The following PIK3CD variants were observed in gnomAD, a reference collection of about 807,000 sequenced individuals.
PIK3CD encodes phosphatidylinositol-4,5-bisphosphate 3-kinase catalytic subunit delta.
In PIK3CD, 20 loss-of-function variants were observed where a neutral mutation model predicts 122.9. That is an observed-to-expected ratio of 0.16 (90% confidence interval 0.11 to 0.24). PIK3CD has a LOEUF of 0.24. PIK3CD is among the 10% of genes least tolerant of loss of function. PIK3CD has a pLI of 1.00. For synonymous variants in PIK3CD, 596 were observed against 593.4 expected, an observed-to-expected ratio of 1.00 and a Z score of -0.06; for missense variants, 787 against 1,406.3, an observed-to-expected ratio of 0.56 and a Z score of 7.04.
At chr1:9,634,307 G>A in the PIK3CD span, among the ~76,000 whole-genome samples, 14 of 152,046 alleles carry the variant, frequency 9.2e-5, no homozygotes, top group South Asian at 2.1e-4. Context: ...GATTACAGGC[G>A]TGCATCAGCA....
At chr1:9,675,927 G>A (rs984169832) in intron 1 of PIK3CD, among the ~76,000 whole-genome samples, 2 of 141,992 alleles carry the variant, frequency 1.4e-5, no homozygotes, top group African/African-American at 5.5e-5. Context: ...GCCACACCAA[G>A]CTAATTTTTT....
At chr1:9,708,673 C>T (rs1646937127) in intron 2 of PIK3CD, among the ~76,000 whole-genome samples, 1 of 151,718 alleles carries the variant, frequency 6.6e-6, no homozygotes, top group Non-Finnish European at 1.5e-5. Context: ...CATGGTGAAA[C>T]CCCCATCTCT....
At position 9,656,680 on chromosome 1, in the gene PIK3CD, C is replaced by T. The variant is rs531144098; in HGVS notation, c.-138+4878C>T. 3.3e-5 allele frequency among the ~76,000 whole-genome samples: 5 copies of T among 152,202 alleles called. No individual in the cohort carries two copies. The South Asian group carries it at 8.3e-4, about 25-fold the overall frequency. On this transcript the variant is annotated intron_variant, in intron 1 of 23. Coordinates refer to ENST00000377346, the MANE Select transcript of PIK3CD (RefSeq NM_005026.5). ...GCAATGGGCCGGGTGTGATAGCTCACGCCTGTAATCCCAGCACTTTGGGAG... is the reference window on the plus strand; with the variant it reads ...GCAATGGGCCGGGTGTGATAGCTCATGCCTGTAATCCCAGCACTTTGGGAG...
At chr1:9,683,924 G>A (rs773328201) in intron 1 of PIK3CD, among the ~76,000 whole-genome samples, 3 of 152,130 alleles carry the variant, frequency 2.0e-5, no homozygotes, top group Non-Finnish European at 1.5e-5. Context: ...TTGGGCTCAG[G>A]TGGGACTGTC....
At chr1:9,636,707 C>G in the PIK3CD span, among the ~76,000 whole-genome samples, 3 of 152,130 alleles carry the variant, frequency 2.0e-5, no homozygotes, top group African/African-American at 7.2e-5. Context: ...CATGGGCCAA[C>G]TTAATGTTAT....
chr1:9,719,030 T>C lies in PIK3CD; in HGVS notation c.1242+115T>C. The C allele has an allele frequency of 1.0e-6, 1 of 998,222 alleles. No individual in the cohort carries two copies. The highest frequency in any genetic ancestry group is 1.5e-6 in the Non-Finnish European group (1 of 658,992). The allele number at this position is 998,222 out of a possible 1,614,324, so 61.8% of individuals were successfully genotyped here. On this transcript the variant is annotated intron_variant, in intron 9 of 23. Coordinates refer to ENST00000377346, the MANE Select transcript of PIK3CD (RefSeq NM_005026.5). This position sits in a 1 kb window ranked among gnomAD's most constrained non-coding sequence, Gnocchi z 5.5. ...GCACGCAGCCTGGGGATGGGGGTCCTGGGATTGCTTGTGGACCCCAGCCTC... is the reference window on the plus strand; with the variant it reads ...GCACGCAGCCTGGGGATGGGGGTCCCGGGATTGCTTGTGGACCCCAGCCTC...
rs866028543 is a variant in PIK3CD at position 9,718,812 on chromosome 1, A to G, written c.1139A>G (p.Asn380Ser). ...AAGCAGCGGCTGGAGTTCGACATCA[A>G]CATCTGCGACCTGCCCCGCATGGCC... Reference protein sequence around the residue: ...VWKQRLEFDINICDLPRMARL... With the variant: ...VWKQRLEFDISICDLPRMARL... Residue 380 changes from asparagine to serine, a missense_variant, in exon 9 of 24, where the codon AAC (asparagine) becomes AGC (serine). By Grantham distance (46) the Asn-to-Ser change is conservative. This residue lies in a region of PIK3CD where 592 missense variants were observed against 920.6 expected (regional missense o/e 0.64). Coordinates refer to ENST00000377346, the MANE Select transcript of PIK3CD (RefSeq NM_005026.5). This position sits in a 1 kb window ranked among gnomAD's most constrained non-coding sequence, Gnocchi z 7.2. The G allele has an allele frequency of 7.4e-6, 12 of 1,612,292 alleles. No individual in the cohort carries two copies. In the African/African-American group the frequency reaches 1.2e-4, roughly 16 times the overall value.
rs762296096 is a variant in PIK3CD, at chr1:9,715,725, TGAA to T, written c.331_333del (p.Lys111del). On this transcript the variant is annotated inframe_deletion, in exon 4 of 24. Transcript: ENST00000377346. This position sits in a 1 kb window ranked among gnomAD's most constrained non-coding sequence, Gnocchi z 4.1. Reference sequence around the variant, plus strand: ...CTGGTGGCCCGTGAGGGCGACCGCGTGAAGAAGCTCATCAACTCACAGATCAGC... The same window carrying T: ...CTGGTGGCCCGTGAGGGCGACCGCGTGAAGCTCATCAACTCACAGATCAGC... 1.9e-6 allele frequency: 3 copies of T among 1,613,320 alleles called. No individual in the cohort carries two copies. The highest frequency in any genetic ancestry group is 2.5e-6 in the Non-Finnish European group (3 of 1,180,004).
intron 1 of PIK3CD, among the ~76,000 whole-genome samples, chr1:9,690,934 G>T (rs1371424323): frequency 6.6e-6 from 1 of 152,072 alleles, no homozygotes; most frequent in East Asian, 1.9e-4. Context: ...TTCCTGGAGC[G>T]GCTGAGGTGG....
chr1:9,672,463 C>G (rs1032105785), intron 1 of PIK3CD: 23 of 152,188 alleles, frequency 1.5e-4, no homozygotes, highest in African/African-American at 5.6e-4. Flanking sequence ...GGGTCTAGCT[C>G]TGTCTCCTAG....
At chr1:9,683,021 G>A (rs1009743669) in intron 1 of PIK3CD, among the ~76,000 whole-genome samples, 1 of 151,352 alleles carries the variant, frequency 6.6e-6, no homozygotes, top group Non-Finnish European at 1.5e-5. Context: ...TTCCCCACTG[G>A]GATTGGGCCC....
rs757126426 is a variant in PIK3CD, at chr1:9,724,424, G to C, written c.2864+3G>C. 1.9e-6 allele frequency: 3 copies of C among 1,614,018 alleles called. No individual in the cohort carries two copies. Among genetic ancestry groups the C allele is most frequent in the Non-Finnish European group, 2.5e-6 (3 of 1,180,032 alleles). Reference sequence around the variant, plus strand: ...AATAATAGTGAGAAATTTGAACGGTGAGAGTGCCTGAGCCCCACCAGATGC... The same window carrying C: ...AATAATAGTGAGAAATTTGAACGGTCAGAGTGCCTGAGCCCCACCAGATGC... On this transcript the variant is annotated splice_donor_region_variant and intron_variant, in intron 22 of 23. Coordinates refer to ENST00000377346, the MANE Select transcript of PIK3CD (RefSeq NM_005026.5). This position sits in a 1 kb window ranked among gnomAD's most constrained non-coding sequence, Gnocchi z 7.3.
intron 1 of PIK3CD, among the ~76,000 whole-genome samples, chr1:9,686,546 G>T (rs1028798761): frequency 6.3e-4 from 95 of 151,896 alleles, no homozygotes; most frequent in African/African-American, 2.3e-3. Context: ...AGAGACGGGG[G>T]TCTCACTGTG....
rs1045151009 is a variant in PIK3CD at position 9,720,254 on chromosome 1, C to T, written c.1470+12C>T. On this transcript the variant is annotated intron_variant, in intron 11 of 23. Coordinates refer to ENST00000377346, the MANE Select transcript of PIK3CD (RefSeq NM_005026.5). The surrounding 1 kb of genome is among the most constrained non-coding windows in gnomAD (Gnocchi z 9.0). ...CCGCCCTGGAGAAGGTCAGTGGGGG[C>T]CCCGCCGCGTGAGGCTGAGGGGCTG... is the stretch of plus-strand genomic sequence containing the variant. 1.3e-6 allele frequency: 2 copies of T among 1,599,246 alleles called. No homozygotes were observed. Among genetic ancestry groups the T allele is most frequent in the East Asian group, 2.2e-5 (1 of 44,478 alleles).
Position 9,723,065 on chromosome 1 carries a change from G to A in PIK3CD, c.2427-60G>A. ...GGCACCATGAGTTTCTGGGGCTCAAGTGGCCTCAGGGACAGCCCTTGACCA... is the reference window on the plus strand; with the variant it reads ...GGCACCATGAGTTTCTGGGGCTCAAATGGCCTCAGGGACAGCCCTTGACCA... On this transcript the variant is annotated intron_variant, in intron 19 of 23. Coordinates refer to ENST00000377346, the MANE Select transcript of PIK3CD (RefSeq NM_005026.5). The surrounding 1 kb of genome is among the most constrained non-coding windows in gnomAD (Gnocchi z 4.9). 6.5e-7 allele frequency: 1 copy of A among 1,549,312 alleles called. No individual in the cohort carries two copies. The highest frequency in any genetic ancestry group is 8.9e-7 in the Non-Finnish European group (1 of 1,122,908).
At position 9,691,498 on chromosome 1, in the gene PIK3CD, C is replaced by T; in HGVS notation, c.-106C>T. 1 of 398,578 alleles carries T rather than the reference C, an allele frequency of 2.5e-6. No individual in the cohort carries two copies. Among genetic ancestry groups the T allele is most frequent in the Non-Finnish European group, 4.4e-6 (1 of 226,084 alleles). The allele number at this position is 398,578 out of a possible 1,614,324, so 24.7% of individuals were successfully genotyped here. On this transcript the variant is annotated 5_prime_UTR_variant, in exon 2 of 24. Transcript: ENST00000377346. ...AGTCAGGCCAGGGCGGGATGACACT[C>T]ATTGATTCTAAAGCATCTTTAATCT...
Position 9,695,670 on chromosome 1 carries a change from T to C in PIK3CD, c.-33+4099T>C, listed in dbSNP as rs529935403. ...CAGCCTGGCCAACATGGTGAAACCC[T>C]GTCTCTACTAAAAATACAAAAATTA... On this transcript the variant is annotated intron_variant, in intron 2 of 23. Transcript: ENST00000377346. 2.6e-4 allele frequency among the ~76,000 whole-genome samples: 39 copies of C among 152,006 alleles called. 1 individual carries two copies. The East Asian group carries it at 5.9e-3, about 23-fold the overall frequency.
In PIK3CD at chr1:9,721,717, C is replaced by T. The variant is rs772902002; in HGVS notation, c.1956-44C>T. On this transcript the variant is annotated intron_variant, in intron 15 of 23. Transcript: ENST00000377346. ...AGGTCCTGCTGGGCGGGAGGGGCTG[C>T]GTGGTGCTGCCTGGTGAGGCTCAGC... 91 of 1,605,426 alleles carry T rather than the reference C, an allele frequency of 5.7e-5. 2 individuals carry two copies. The South Asian group carries it at 5.9e-4, about 10-fold the overall frequency.
chr1:9,723,746 C>T lies in PIK3CD; in HGVS notation c.2595-223C>T, dbSNP rs578024292. ...TCATTTAGCAGCCTCACCTTCCTTC[C>T]GTGGCTCTGTATTGAGGGTATGGGG... On this transcript the variant is annotated intron_variant, in intron 20 of 23. Coordinates refer to ENST00000377346, the MANE Select transcript of PIK3CD (RefSeq NM_005026.5). The surrounding 1 kb of genome is among the most constrained non-coding windows in gnomAD (Gnocchi z 4.9). Among the ~76,000 whole-genome samples, 8 of 152,270 alleles carry T rather than the reference C, an allele frequency of 5.3e-5. No homozygotes were observed. Among genetic ancestry groups the T allele is most frequent in the Middle Eastern group, 3.4e-3 (1 of 294 alleles).
Sources: allele counts gnomAD v4.1 joint callset (sites outside exome capture counted in the v4.1 genomes callset), GRCh38; gene constraint gnomAD v4.1.1; regional missense constraint gnomAD v4.1.1; non-coding constraint Gnocchi (gnomAD v3.1); transcripts MANE v1.5; gene names NCBI Gene and HGNC (gene_info 2026-07-23, HGNC 2026-07-21).